FAR1: variants seen among roughly 807,000 people sequenced by gnomAD.
The protein encoded by FAR1 is fatty acyl-CoA reductase 1, also known as male sterility domain-containing protein 2.
Under a neutral mutation model 61.1 loss-of-function variants are expected in FAR1, and 22 were observed. The ratio of observed to expected loss-of-function variants is 0.36; its 90% CI spans 0.26 to 0.51. FAR1 has a LOEUF of 0.51. Ranked by LOEUF, FAR1 falls within the 20% of genes least tolerant of loss-of-function variation. FAR1 has a pLI of 0.95. For synonymous variants in FAR1, 206 were observed against 209.7 expected, an observed-to-expected ratio of 0.98 and a Z score of 0.15; for missense variants, 359 against 626.9, an observed-to-expected ratio of 0.57 and a Z score of 4.56.
chr11:13,701,392 T>C (rs1303527710), intron 3 of FAR1, among the ~76,000 whole-genome samples: 1 of 152,080 alleles, frequency 6.6e-6, no homozygotes, highest in Non-Finnish European at 1.5e-5. Flanking sequence ...ATCTCATAAA[T>C]ATGTACAGTT....
Position 13,708,091 on chromosome 11 carries a change from T to G in FAR1, c.545+12T>G. The G allele has an allele frequency of 6.4e-7, 1 of 1,556,864 alleles. No individual in the cohort carries two copies. The highest frequency in any genetic ancestry group is 8.7e-7 in the Non-Finnish European group (1 of 1,151,280). On this transcript the variant is annotated intron_variant, in intron 4 of 11. Coordinates refer to ENST00000354817, the MANE Select transcript of FAR1 (RefSeq NM_032228.6). Reference sequence around the variant, plus strand: ...ATTGATTCTTTAGAGTATGTTTGTTTGAAATTTATATACATTTACTTTGAT... The same window carrying G: ...ATTGATTCTTTAGAGTATGTTTGTTGGAAATTTATATACATTTACTTTGAT...
At chr11:13,708,447 G>GCGCA (rs139902063) in intron 4 of FAR1, among the ~76,000 whole-genome samples, 14,242 of 136,524 alleles carry the variant, frequency 0.1, 942 homozygotes, top group Admixed American at 0.22. Flanking sequence ...GCGCGCGCGC[G>GCGCA]CACACACACA....
At chr11:13,724,775 AC>A (rs1010891369) in intron 10 of FAR1, among the ~76,000 whole-genome samples, 4 of 152,184 alleles carry the variant, frequency 2.6e-5, no homozygotes, top group Admixed American at 2.0e-4. Context: ...AGCCTTCAAA[AC>A]CCAGAGTGCA....
At chr11:13,708,182 T>A in intron 4 of FAR1, 103 bp downstream of exon 4, 3 of 713,608 alleles carry the variant, frequency 4.2e-6, no homozygotes, top group Non-Finnish European at 6.3e-6. Flanking sequence ...GCCAACATAG[T>A]GAAACCCCAT....
At chr11:13,674,262 T>G (rs1848041155) in intron 1 of FAR1, among the ~76,000 whole-genome samples, 1 of 139,664 alleles carries the variant, frequency 7.2e-6, no homozygotes, top group East Asian at 2.1e-4. Flanking sequence ...TGAGCCAAGA[T>G]AGCGCCACTG....
chr11:13,721,982 C>G lies in FAR1; in HGVS notation c.1257+123C>G. Reference sequence around the variant, plus strand: ...ACAAGTAAGCCATTATTTATAGTCTCTCATAAAGCTTTAGTCATAATTGTT... The same window carrying G: ...ACAAGTAAGCCATTATTTATAGTCTGTCATAAAGCTTTAGTCATAATTGTT... On this transcript the variant is annotated intron_variant, in intron 10 of 11. Transcript: ENST00000354817. This position sits in a 1 kb window ranked among gnomAD's most constrained non-coding sequence, Gnocchi z 4.2. 1 of 735,952 alleles carries G rather than the reference C, an allele frequency of 1.4e-6. No homozygotes were observed. The highest frequency in any genetic ancestry group is 2.3e-5 in the South Asian group (1 of 42,778). 45.6% of individuals were successfully genotyped at this position (735,952 alleles called of 1,614,324 possible).
At chr11:13,705,403 G>A (rs1371999370) in intron 3 of FAR1, among the ~76,000 whole-genome samples, 2 of 151,892 alleles carry the variant, frequency 1.3e-5, no homozygotes, top group Non-Finnish European at 2.9e-5. Flanking sequence ...CTCAGGTACA[G>A]ATGCAAAGGG....
At chr11:13,695,576 G>T (rs1213481168) in intron 2 of FAR1, among the ~76,000 whole-genome samples, 1 of 152,132 alleles carries the variant, frequency 6.6e-6, no homozygotes, top group African/African-American at 2.4e-5. Flanking sequence ...ATAGTAAGTT[G>T]AATCGGAAGG....
At chr11:13,700,556 T>C in intron 3 of FAR1, 64 bp downstream of exon 3, 1 of 1,071,178 alleles carries the variant, frequency 9.3e-7, no homozygotes, top group East Asian at 3.1e-5. Context: ...CTCATTTTAA[T>C]TCTACTTTTT....
chr11:13,672,637 C>T (rs1848020964), intron 1 of FAR1, among the ~76,000 whole-genome samples: 1 of 151,094 alleles, frequency 6.6e-6, no homozygotes, highest in African/African-American at 2.4e-5. Context: ...TGTGGGTAGG[C>T]TAGTCTGAAC....
At position 13,700,415 on chromosome 11, in the gene FAR1, A is replaced by G; in HGVS notation, c.288A>G (p.Glu96=). The change falls in exon 3 of 12, where the codon GAA becomes GAG. Residue 96 remains glutamate, a synonymous_variant. Transcript: ENST00000354817. ...LTQPKLALSE[E]DKEVIIDSTN... is the part of the protein sequence containing the mutation. ...AACCTAAACTGGCTCTCAGTGAAGA[A>G]GATAAAGAGGTGATCATAGATTCTA... 4 of 1,600,626 alleles carry G rather than the reference A, an allele frequency of 2.5e-6. No homozygotes were observed. Among genetic ancestry groups the G allele is most frequent in the Non-Finnish European group, 3.4e-6 (4 of 1,175,054 alleles).
At chr11:13,709,757 A>G (rs1393114992) in intron 4 of FAR1, among the ~76,000 whole-genome samples, 1 of 152,110 alleles carries the variant, frequency 6.6e-6, no homozygotes, top group Non-Finnish European at 1.5e-5. Flanking sequence ...AAGTACTTCC[A>G]TATACAGAAG....
At chr11:13,720,992 G>T (rs1016956498) in intron 9 of FAR1, 1 of 152,040 alleles carries the variant, frequency 6.6e-6, no homozygotes, top group African/African-American at 2.4e-5. Flanking sequence ...AAAGCTCCTT[G>T]TACTTTTAAA....
intron 9 of FAR1, chr11:13,719,881 A>G (rs1555066382): frequency 6.6e-6 from 1 of 152,182 alleles, no homozygotes; most frequent in Non-Finnish European, 1.5e-5. Context: ...CCTTACTCTA[A>G]AGGATTGTGA....
rs2134193101 is a variant in FAR1 at position 13,713,046 on chromosome 11, CTG to C, written c.955+17_955+18del. Reference sequence around the variant, plus strand: ...TGGGGTGAAGTTGGTATGATTTTACCTGTGTTTTTGAATGTTAGAATAAATCT... The same window carrying C: ...TGGGGTGAAGTTGGTATGATTTTACCTGTTTTTGAATGTTAGAATAAATCT... On this transcript the variant is annotated intron_variant, in intron 8 of 11. Transcript: ENST00000354817. 1 of 1,608,732 alleles carries C rather than the reference CTG, an allele frequency of 6.2e-7. No individual in the cohort carries two copies. The highest frequency in any genetic ancestry group is 8.5e-7 in the Non-Finnish European group (1 of 1,175,352).
intron 3 of FAR1, among the ~76,000 whole-genome samples, chr11:13,705,598 A>T (rs529956718): frequency 6.6e-6 from 1 of 152,076 alleles, no homozygotes; most frequent in Non-Finnish European, 1.5e-5. Flanking sequence ...CTTATAGTCT[A>T]GTGGACAGTA....
At chr11:13,676,921 G>T (rs1265956189) in intron 1 of FAR1, among the ~76,000 whole-genome samples, 1 of 152,162 alleles carries the variant, frequency 6.6e-6, no homozygotes, top group African/African-American at 2.4e-5. Flanking sequence ...AGCCAGAAGA[G>T]ATTTTAACAA....
At chr11:13,709,933 A>G (rs1848478917) in intron 4 of FAR1, among the ~76,000 whole-genome samples, 2 of 152,100 alleles carry the variant, frequency 1.3e-5, no homozygotes, top group Non-Finnish European at 2.9e-5. Flanking sequence ...AAAACCATGG[A>G]CACCACCTAG....
intron 1 of FAR1, among the ~76,000 whole-genome samples, chr11:13,678,335 G>C (rs574124800): frequency 1.4e-4 from 22 of 152,076 alleles, no homozygotes; most frequent in Non-Finnish European, 2.8e-4. Flanking sequence ...TGCGATCTCC[G>C]CTCACTGCAA....
Sources: allele counts gnomAD v4.1 joint callset (sites outside exome capture counted in the v4.1 genomes callset), GRCh38; gene constraint gnomAD v4.1.1; non-coding constraint Gnocchi (gnomAD v3.1); transcripts MANE v1.5; gene names NCBI Gene and HGNC (gene_info 2026-07-23, HGNC 2026-07-21).